FBXL7: variants seen among roughly 807,000 people sequenced by gnomAD.
FBXL7 encodes F-box/LRR-repeat protein 7.
Under a neutral mutation model 38.3 loss-of-function variants are expected in FBXL7, and 12 were observed. That is an observed-to-expected ratio of 0.31 (90% CI 0.20 to 0.51). FBXL7 has a LOEUF of 0.51. Ranked by LOEUF, FBXL7 falls within the 20% of genes least tolerant of loss-of-function variation. The pLI, the probability that FBXL7 is intolerant of heterozygous loss-of-function variation, is 0.98. For missense variants in FBXL7, 567 were observed against 676.4 expected, an observed-to-expected ratio of 0.84 and a Z score of 1.79; for synonymous variants, 297 against 300.9, an observed-to-expected ratio of 0.99 and a Z score of 0.13.
chr5:15,693,858 C>A (rs1222349095), intron 2 of FBXL7, among the ~76,000 whole-genome samples: 2 of 152,192 alleles, frequency 1.3e-5, no homozygotes, highest in African/African-American at 2.4e-5. Flanking sequence ...TCTGGCTCCC[C>A]ATCCATCTGC....
intron 2 of FBXL7, among the ~76,000 whole-genome samples, chr5:15,859,123 T>A (rs1739363463): frequency 6.6e-6 from 1 of 152,156 alleles, no homozygotes; most frequent in African/African-American, 2.4e-5. Context: ...AAGTAGATGA[T>A]GCAGTGATTC....
At chr5:15,541,408 GTATATATATACATATAGTATATA>G (rs1737740715) in intron 1 of FBXL7, among the ~76,000 whole-genome samples, 1 of 105,932 alleles carries the variant, frequency 9.4e-6, no homozygotes, top group African/African-American at 3.6e-5. Context: ...ATATATATGT[GTATATATATACATATAGTATATA>G]TGTGTGTGTG....
Position 15,616,089 on chromosome 5 carries a change from C to G in FBXL7, c.127+17C>G. On this transcript the variant is annotated intron_variant, in intron 2 of 3. Transcript: ENST00000504595. ...CCAGCGAAGGTAGGCAGCTGGTCTTCATTATCTCTCTTTCTTCTTCACAGG... is the reference window on the plus strand; with the variant it reads ...CCAGCGAAGGTAGGCAGCTGGTCTTGATTATCTCTCTTTCTTCTTCACAGG... 1.3e-6 allele frequency: 2 copies of G among 1,568,156 alleles called. No individual in the cohort carries two copies. Among genetic ancestry groups the G allele is most frequent in the Non-Finnish European group, 1.8e-6 (2 of 1,140,448 alleles).
At chr5:15,780,792 GAGTT>G (rs1306409925) in intron 2 of FBXL7, among the ~76,000 whole-genome samples, 1 of 152,136 alleles carries the variant, frequency 6.6e-6, no homozygotes, top group Non-Finnish European at 1.5e-5. Flanking sequence ...TGTGACCTGA[GAGTT>G]AGCATGCAAA....
chr5:15,534,288 A>T (rs1419134948), intron 1 of FBXL7, among the ~76,000 whole-genome samples: 1 of 152,176 alleles, frequency 6.6e-6, no homozygotes, highest in Non-Finnish European at 1.5e-5. Flanking sequence ...TATCCTGCAG[A>T]ATAGTTTCCC....
chr5:15,709,082 G>T (rs1398205940), intron 2 of FBXL7, among the ~76,000 whole-genome samples: 1 of 152,176 alleles, frequency 6.6e-6, no homozygotes, highest in Non-Finnish European at 1.5e-5. Flanking sequence ...GGGTTCCACT[G>T]AGAGCACATT....
intron 2 of FBXL7, among the ~76,000 whole-genome samples, chr5:15,736,773 A>G (rs1735761606): frequency 1.3e-5 from 2 of 152,214 alleles, no homozygotes; most frequent in South Asian, 2.1e-4. Flanking sequence ...CCTGTCTTGC[A>G]GCAGGAGGAG....
chr5:15,800,394 A>G (rs1334153163), intron 2 of FBXL7, among the ~76,000 whole-genome samples: 1 of 152,246 alleles, frequency 6.6e-6, no homozygotes, highest in Non-Finnish European at 1.5e-5. Flanking sequence ...TTCTGTCTTC[A>G]TAAATGAAGA....
intron 2 of FBXL7, among the ~76,000 whole-genome samples, chr5:15,874,380 C>A (rs1359646042): frequency 6.6e-6 from 1 of 152,174 alleles, no homozygotes; most frequent in Admixed American, 6.5e-5. Context: ...CCTCTCTCAC[C>A]ACTCCTATTC....
At chr5:15,693,844 C>G (rs960154528) in intron 2 of FBXL7, among the ~76,000 whole-genome samples, 2 of 152,158 alleles carry the variant, frequency 1.3e-5, no homozygotes. Context: ...CACTCCATCC[C>G]CCTTCTGGCT....
chr5:15,758,906 C>T (rs977181087), intron 2 of FBXL7, among the ~76,000 whole-genome samples: 2 of 121,064 alleles, frequency 1.7e-5, no homozygotes, highest in Non-Finnish European at 3.8e-5. Flanking sequence ...ATTTTAGTGT[C>T]CATTGATTTA....
rs1741250224 is a variant in FBXL7 at position 15,638,276 on chromosome 5, C to T, written c.127+22204C>T. ...CAGACTTTCACGTGCAGTGGAGTCA[C>T]AAGGGGGAATTGGAACATAGGGTTG... On this transcript the variant is annotated intron_variant, in intron 2 of 3. Coordinates refer to ENST00000504595, the MANE Select transcript of FBXL7 (RefSeq NM_012304.5). Among the ~76,000 whole-genome samples, 3 of 152,076 alleles carry T rather than the reference C, an allele frequency of 2.0e-5. No homozygotes were observed. The South Asian group carries it at 6.2e-4, about 32-fold the overall frequency.
At chr5:15,801,954 C>G (rs1456358531) in intron 2 of FBXL7, among the ~76,000 whole-genome samples, 2 of 152,056 alleles carry the variant, frequency 1.3e-5, no homozygotes, top group African/African-American at 2.4e-5. Flanking sequence ...TTAGGGACTT[C>G]AAGTTAACAG....
At chr5:15,568,815 C>A (rs372979406) in intron 1 of FBXL7, among the ~76,000 whole-genome samples, 1 of 152,060 alleles carries the variant, frequency 6.6e-6, no homozygotes, top group Non-Finnish European at 1.5e-5. Flanking sequence ...TATGGCTAGC[C>A]AGTTTTCCCA....
chr5:15,893,940 A>T (rs1001380781), intron 2 of FBXL7, among the ~76,000 whole-genome samples: 1 of 152,242 alleles, frequency 6.6e-6, no homozygotes, highest in Admixed American at 6.5e-5. Context: ...TAGAGAAAAC[A>T]TGTCAACATT....
intron 1 of FBXL7, among the ~76,000 whole-genome samples, chr5:15,507,426 A>G (rs887898664): frequency 1.3e-5 from 2 of 152,248 alleles, no homozygotes. Flanking sequence ...ATCAACTCAC[A>G]TAAACTGTCT....
intron 2 of FBXL7, among the ~76,000 whole-genome samples, chr5:15,697,957 A>G (rs1743391134): frequency 6.6e-6 from 1 of 152,242 alleles, no homozygotes; most frequent in African/African-American, 2.4e-5. Context: ...TCCTAGTGAG[A>G]CCCACCTACT....
chr5:15,722,545 A>T (rs1744227014), intron 2 of FBXL7, among the ~76,000 whole-genome samples: 1 of 152,198 alleles, frequency 6.6e-6, no homozygotes, highest in South Asian at 2.1e-4. Flanking sequence ...AATGAAGTGC[A>T]GTGGAACACA....
intron 2 of FBXL7, among the ~76,000 whole-genome samples, chr5:15,765,194 C>T (rs1736553311): frequency 2.0e-5 from 3 of 151,980 alleles, no homozygotes; most frequent in South Asian, 4.2e-4. Flanking sequence ...CAGTGGCAGC[C>T]GGATTTGACC....
Sources: gnomAD v4.1 joint callset for allele counts (sites outside exome capture counted in the v4.1 genomes callset) on GRCh38, gnomAD v4.1.1 for gene constraint, MANE v1.5 for transcripts, NCBI Gene and HGNC (gene_info 2026-07-23, HGNC 2026-07-21) for gene names.